CRPPA: variants seen among roughly 807,000 people sequenced by gnomAD.
CRPPA encodes the protein CDP-L-ribitol pyrophosphorylase A.
CRPPA carries 43 observed loss-of-function variants against 52.0 expected under a neutral mutation model. The observed-to-expected ratio is 0.83, with a 90% confidence interval of 0.65 to 1.07. The LOEUF is 1.07. Ranked by LOEUF, CRPPA falls within the 50% of genes least tolerant of loss-of-function variation. The pLI is 0.00. For missense variants in CRPPA, 629 were observed against 551.7 expected (o/e 1.14, Z -1.40); for synonymous variants, 250 against 203.5 (o/e 1.23, Z -1.94).
At chr7:16,255,047 A>G (rs559955532) in intron 8 of CRPPA, among the ~76,000 whole-genome samples, 1 of 152,072 alleles carries the variant, frequency 6.6e-6, no homozygotes, top group African/African-American at 2.4e-5. Context: ...AAACCCCATC[A>G]TGTCAGCCCC....
At chr7:16,229,452 T>C (rs984036355) in intron 8 of CRPPA, among the ~76,000 whole-genome samples, 3 of 152,072 alleles carry the variant, frequency 2.0e-5, no homozygotes, top group Non-Finnish European at 4.4e-5. Flanking sequence ...TATAAGTTTT[T>C]GCTTTGTGGT....
intron 3 of CRPPA, among the ~76,000 whole-genome samples, chr7:16,353,592 G>T (rs1056623547): frequency 6.6e-6 from 1 of 152,192 alleles, no homozygotes; most frequent in Non-Finnish European, 1.5e-5. Flanking sequence ...GCTCACGCCT[G>T]TAATCCTAGC....
At chr7:16,371,967 G>C (rs1374549908) in intron 3 of CRPPA, among the ~76,000 whole-genome samples, 1 of 152,006 alleles carries the variant, frequency 6.6e-6, no homozygotes, top group Admixed American at 6.6e-5. Flanking sequence ...AAGAATTTCA[G>C]AGCTTGAAGA....
intron 9 of CRPPA, among the ~76,000 whole-genome samples, chr7:16,176,633 G>A (rs1169459262): frequency 4.6e-5 from 7 of 152,198 alleles, no homozygotes; most frequent in African/African-American, 1.4e-4. Flanking sequence ...TAAGAGATGG[G>A]TTCTCACTAT....
At chr7:16,195,369 G>T (rs1350314373) in intron 9 of CRPPA, among the ~76,000 whole-genome samples, 1 of 152,028 alleles carries the variant, frequency 6.6e-6, no homozygotes, top group Non-Finnish European at 1.5e-5. Flanking sequence ...ATACTTCACT[G>T]AAAGATCTGC....
At chr7:16,161,733 T>C (rs1343232912) in intron 9 of CRPPA, among the ~76,000 whole-genome samples, 1 of 152,182 alleles carries the variant, frequency 6.6e-6, no homozygotes, top group Non-Finnish European at 1.5e-5. Context: ...TCTTTTTCTA[T>C]TGTTTGGAAT....
chr7:16,247,300 G>C (rs1274813767), intron 8 of CRPPA, among the ~76,000 whole-genome samples: 2 of 152,196 alleles, frequency 1.3e-5, no homozygotes, highest in African/African-American at 2.4e-5. Flanking sequence ...GATTGAAAGT[G>C]ACTGACACAG....
At chr7:16,197,460 C>T (rs991390678) in intron 9 of CRPPA, among the ~76,000 whole-genome samples, 2 of 151,960 alleles carry the variant, frequency 1.3e-5, no homozygotes, top group African/African-American at 4.8e-5. Context: ...GCCTCAGCCT[C>T]CAGGGTAGCT....
Position 16,108,487 on chromosome 7 carries a change from T to C in CRPPA, c.1252-16688A>G, listed in dbSNP as rs1782198715. Among the ~76,000 whole-genome samples, 4 of 151,854 alleles carry C rather than the reference T, an allele frequency of 2.6e-5. No homozygotes were observed. The South Asian group carries it at 8.3e-4, about 31-fold the overall frequency. On this transcript the variant is annotated intron_variant, in intron 9 of 9. Coordinates refer to ENST00000407010, the MANE Select transcript of CRPPA (RefSeq NM_001101426.4). The stretch of plus-strand genomic sequence containing the variant: ...AATATTAAAGATCTGAAAGGAGATA[T>C]ACATGAGAATACAATAATAGTAGGG...
chr7:16,313,146 T>A (rs12111927), intron 3 of CRPPA, among the ~76,000 whole-genome samples: 4 of 152,114 alleles, frequency 2.6e-5, no homozygotes, highest in African/African-American at 9.6e-5. Flanking sequence ...AGAGTTAGTA[T>A]AATTTCTTCC....
intron 9 of CRPPA, among the ~76,000 whole-genome samples, chr7:16,157,334 A>C (rs1050942643): frequency 5.9e-5 from 9 of 152,198 alleles, no homozygotes; most frequent in Admixed American, 1.3e-4. Context: ...GAAGGTTCTC[A>C]TATGGAAACA....
At position 16,421,069 on chromosome 7, in the gene CRPPA, T is replaced by A; in HGVS notation, c.254A>T (p.Glu85Val). The A allele has an allele frequency of 7.8e-7, 1 of 1,280,488 alleles. No homozygotes were observed. Among genetic ancestry groups the A allele is most frequent in the Non-Finnish European group, 9.9e-7 (1 of 1,006,658 alleles). 79.3% of individuals were successfully genotyped at this position (1,280,488 alleles called of 1,614,324 possible). The change falls in exon 1 of 10, where the codon GAG becomes GTG. Residue 85 changes from glutamate to valine, a missense_variant. By Grantham distance (121) the Glu-to-Val change is moderately radical. Transcript: ENST00000407010. The stretch of plus-strand genomic sequence containing the variant: ...GGCGCGCCCGGCGCCGCATTACCTC[T>A]CCAGGGCCTGTAGGGTGTAGCTGAT... ...PLISYTLQALERVCWIKDIVV... is the reference protein window; with the variant it reads ...PLISYTLQALVRVCWIKDIVV...
At chr7:16,360,212 T>C (rs1241348093) in intron 3 of CRPPA, among the ~76,000 whole-genome samples, 1 of 152,242 alleles carries the variant, frequency 6.6e-6, no homozygotes, top group Non-Finnish European at 1.5e-5. Context: ...TTTTCTATTC[T>C]GTAGTACATG....
intron 3 of CRPPA, among the ~76,000 whole-genome samples, chr7:16,365,123 T>G (rs933127173): frequency 6.6e-6 from 1 of 151,916 alleles, no homozygotes; most frequent in African/African-American, 2.4e-5. Context: ...GCAGCCAGAG[T>G]CTCTGATTTC....
At chr7:16,115,161 G>T (rs1008818618) in intron 9 of CRPPA, among the ~76,000 whole-genome samples, 1 of 151,996 alleles carries the variant, frequency 6.6e-6, no homozygotes, top group Non-Finnish European at 1.5e-5. Flanking sequence ...ACTGAAGAGG[G>T]TGGCCCTAAC....
rs554522382 is a variant in CRPPA at position 16,379,278 on chromosome 7, T to A, written c.535-3037A>T. ...AGTCTTTAATCCATCTTGAATTAAT[T>A]TGTCAAAGATCAGATAGTTGTAGAT... On this transcript the variant is annotated intron_variant, in intron 2 of 9. Coordinates refer to ENST00000407010, the MANE Select transcript of CRPPA (RefSeq NM_001101426.4). Among the ~76,000 whole-genome samples the A allele has an allele frequency of 3.9e-3, 593 of 152,326 alleles. 3 individuals carry two copies. Among genetic ancestry groups the A allele is most frequent in the Non-Finnish European group, 6.2e-3 (421 of 68,028 alleles).
intron 3 of CRPPA, among the ~76,000 whole-genome samples, chr7:16,353,295 T>C (rs1786205681): frequency 6.6e-6 from 1 of 151,980 alleles, no homozygotes; most frequent in South Asian, 2.1e-4. Flanking sequence ...GAGGGTGCAG[T>C]GAGCTATGAC....
At chr7:16,247,453 A>G (rs1783309083) in intron 8 of CRPPA, among the ~76,000 whole-genome samples, 1 of 152,212 alleles carries the variant, frequency 6.6e-6, no homozygotes. Context: ...CAATCAGAAC[A>G]CACACAACAT....
chr7:16,177,664 T>C (rs1362374288), intron 9 of CRPPA, among the ~76,000 whole-genome samples: 1 of 152,166 alleles, frequency 6.6e-6, no homozygotes. Context: ...GGCATCTTGT[T>C]ATAGTACTAA....
Sources: allele counts gnomAD v4.1 joint callset (sites outside exome capture counted in the v4.1 genomes callset), GRCh38; gene constraint gnomAD v4.1.1; transcripts MANE v1.5; gene names NCBI Gene and HGNC (gene_info 2026-07-23, HGNC 2026-07-21).